Variants in SUMO2 observed in about 807,000 individuals in gnomAD.
SUMO2 encodes the protein small ubiquitin like modifier 2.
A neutral mutation model predicts 16.0 loss-of-function variants in SUMO2; 1 was observed. The observed-to-expected ratio is 0.06, with a 90% CI of 0.02 to 0.30. The LOEUF is 0.30. Ranked by LOEUF, SUMO2 falls within the 10% of genes least tolerant of loss-of-function variation. SUMO2 has a pLI of 1.00. For missense variants in SUMO2, 16 were observed against 117.5 expected (o/e 0.14, Z 3.99); for synonymous variants, 36 against 40.6 (o/e 0.89, Z 0.43).
At chr17:75,173,720 G>A (rs1431238725) in intron 3 of SUMO2, among the ~76,000 whole-genome samples, 1 of 152,022 alleles carries the variant, frequency 6.6e-6, no homozygotes, top group Non-Finnish European at 1.5e-5. Flanking sequence ...CAAGTGCTCC[G>A]CCCACCTTGG....
At chr17:75,169,605 G>A (rs1182738070) in intron 3 of SUMO2, among the ~76,000 whole-genome samples, 1 of 151,832 alleles carries the variant, frequency 6.6e-6, no homozygotes, top group Non-Finnish European at 1.5e-5. Flanking sequence ...GGACAGTCTA[G>A]ATCTCCTGAC....
chr17:75,172,367 T>A (rs1464295948), intron 3 of SUMO2, among the ~76,000 whole-genome samples: 1 of 145,908 alleles, frequency 6.9e-6, no homozygotes, highest in African/African-American at 2.5e-5. Context: ...TTACCCAGGC[T>A]GGAGTGCAGT....
intron 2 of SUMO2, among the ~76,000 whole-genome samples, chr17:75,177,409 T>C (rs2074791083): frequency 6.6e-6 from 1 of 152,082 alleles, no homozygotes; most frequent in South Asian, 2.1e-4. Context: ...CCAGGTGCAG[T>C]GGCTCACGCC....
intron 3 of SUMO2, among the ~76,000 whole-genome samples, chr17:75,173,579 A>AGTGGGC (rs1192512233): frequency 6.6e-6 from 1 of 151,850 alleles, no homozygotes; most frequent in African/African-American, 2.4e-5. Flanking sequence ...GGCTCAAGCA[A>AGTGGGC]TCCTTCCACC....
chr17:75,168,517 T>G, intron 3 of SUMO2, 116 bp from the exon 4 acceptor site: 3 of 823,552 alleles, frequency 3.6e-6, no homozygotes, highest in Non-Finnish European at 1.9e-6. Context: ...CAAGTTTCAT[T>G]ATTTTAGATG....
At chr17:75,175,489 T>C (rs1158070039) in intron 2 of SUMO2, among the ~76,000 whole-genome samples, 1 of 151,062 alleles carries the variant, frequency 6.6e-6, no homozygotes, top group Non-Finnish European at 1.5e-5. Context: ...TGGCTAATTT[T>C]TGTATTTTTT....
chr17:75,170,040 A>G (rs1396742643), intron 3 of SUMO2, among the ~76,000 whole-genome samples: 1 of 150,130 alleles, frequency 6.7e-6, no homozygotes, highest in African/African-American at 2.5e-5. Flanking sequence ...GTGGTGGCGC[A>G]CGCCTGCACG....
chr17:75,174,895 T>C, intron 2 of SUMO2, 72 bp from the exon 3 acceptor site: 1 of 1,318,518 alleles, frequency 7.6e-7, no homozygotes, highest in African/African-American at 1.5e-5. Context: ...AGTACATGCA[T>C]ATTTAACCAT....
chr17:75,177,953 C>T (rs1283430699), intron 2 of SUMO2, among the ~76,000 whole-genome samples: 1 of 137,280 alleles, frequency 7.3e-6, no homozygotes, highest in Admixed American at 7.9e-5. Flanking sequence ...TATGTCACTA[C>T]ACTCCAGTCT....
In SUMO2 at chr17:75,182,928, G is replaced by T; in HGVS notation, c.-94C>A. On this transcript the variant is annotated 5_prime_UTR_variant, in exon 1 of 4. Coordinates refer to ENST00000420826, the MANE Select transcript of SUMO2 (RefSeq NM_006937.4). The stretch of plus-strand genomic sequence containing the variant: ...ACAAGCAGCACCAGGAGCGGCAGAA[G>T]AAGGAGGCGGCAGCGGTGGACGAGG... 1 of 1,119,200 alleles carries T rather than the reference G, an allele frequency of 8.9e-7. No individual in the cohort carries two copies. Among genetic ancestry groups the T allele is most frequent in the Non-Finnish European group, 1.2e-6 (1 of 866,060 alleles). The allele number at this position is 1,119,200 out of a possible 1,614,324, so 69.3% of individuals were successfully genotyped here.
At chr17:75,168,607 CTTT>C (rs1005416370) in intron 3 of SUMO2, among the ~76,000 whole-genome samples, 76 of 151,150 alleles carry the variant, frequency 5.0e-4, no homozygotes, top group Non-Finnish European at 5.5e-4. Flanking sequence ...TTAGATAAAA[CTTT>C]TTTGTTTTTT....
Position 75,182,810 on chromosome 17 carries a change from TC to T in SUMO2, c.21+3del. 1 of 1,393,104 alleles carries T rather than the reference TC, an allele frequency of 7.2e-7. No homozygotes were observed. The highest frequency in any genetic ancestry group is 1.7e-5 in the South Asian group (1 of 57,858). 86.3% of individuals were successfully genotyped at this position (1,393,104 alleles called of 1,614,324 possible). A position where few individuals can be genotyped will look rare whatever the true frequency, so the allele number is the denominator to read the frequency against. ...CGAGGCGAAGGGGCCGGCGGCGAGC[TC>T]ACCTTGGGCTTTTCGTCGGCCATGG... On this transcript the variant is annotated splice_donor_region_variant and intron_variant, in intron 1 of 3. Coordinates refer to ENST00000420826, the MANE Select transcript of SUMO2 (RefSeq NM_006937.4).
intron 3 of SUMO2, 134 bp downstream of exon 3, chr17:75,174,618 C>A: frequency 1.5e-6 from 1 of 662,394 alleles, no homozygotes. Context: ...TTTCTGTTCC[C>A]CTCTGGTCAT....
At chr17:75,177,785 G>A (rs1035399003) in intron 2 of SUMO2, among the ~76,000 whole-genome samples, 16 of 151,428 alleles carry the variant, frequency 1.1e-4, no homozygotes, top group Middle Eastern at 3.2e-3. Context: ...CTGAGCTCAG[G>A]AGTTCAAGAC....
chr17:75,172,183 C>T (rs1005811756), intron 3 of SUMO2, among the ~76,000 whole-genome samples: 1 of 151,716 alleles, frequency 6.6e-6, no homozygotes, highest in African/African-American at 2.4e-5. Context: ...CCACCATGCC[C>T]GGCTAATTTT....
In SUMO2 at chr17:75,168,296, C is replaced by A. The variant is rs777667501; in HGVS notation, c.*43G>T. On this transcript the variant is annotated 3_prime_UTR_variant, in exon 4 of 4. Coordinates refer to ENST00000420826, the MANE Select transcript of SUMO2 (RefSeq NM_006937.4). ...TTCTAATTGAGAATGTAATCTTGGT[C>A]TTTAAAGAACAGAGTTCTGGAGTAA... 35 of 1,458,364 alleles carry A rather than the reference C, an allele frequency of 2.4e-5. No individual in the cohort carries two copies. The East Asian group carries it at 7.6e-4, about 32-fold the overall frequency. 90.3% of individuals were successfully genotyped at this position (1,458,364 alleles called of 1,614,324 possible). A position where few individuals can be genotyped will look rare whatever the true frequency, so the allele number is the denominator to read the frequency against.
At chr17:75,177,772 C>A (rs1346013549) in intron 2 of SUMO2, among the ~76,000 whole-genome samples, 1 of 151,640 alleles carries the variant, frequency 6.6e-6, no homozygotes, top group African/African-American at 2.4e-5. Context: ...ACGGGTGGGT[C>A]ACCTGAGCTC....
chr17:75,181,846 C>T (rs1038490869), intron 1 of SUMO2, among the ~76,000 whole-genome samples: 1 of 151,914 alleles, frequency 6.6e-6, no homozygotes, highest in Non-Finnish European at 1.5e-5. Context: ...CCTTTGTTGT[C>T]ATGGGTCAAA....
intron 3 of SUMO2, among the ~76,000 whole-genome samples, chr17:75,169,691 T>C (rs2145215688): frequency 6.6e-6 from 1 of 152,004 alleles, no homozygotes; most frequent in South Asian, 2.1e-4. Context: ...CCTAAAAATA[T>C]TTTTTAAATT....
Sources: allele counts gnomAD v4.1 joint callset (sites outside exome capture counted in the v4.1 genomes callset), GRCh38; gene constraint gnomAD v4.1.1; transcripts MANE v1.5; gene names NCBI Gene and HGNC (gene_info 2026-07-23, HGNC 2026-07-21).